The following MAD1L1 variants were observed in gnomAD, a reference collection of about 807,000 sequenced individuals.
MAD1L1 encodes the protein mitotic spindle assembly checkpoint protein MAD1.
MAD1L1 carries 95 observed loss-of-function variants against 96.9 expected under a neutral mutation model. The observed-to-expected ratio is 0.98, with a 90% CI of 0.83 to 1.16. MAD1L1 has a LOEUF of 1.16. Among genes scored for constraint, MAD1L1 ranks in the 50% most tolerant of loss-of-function variants. MAD1L1 has a pLI of 0.00. For missense variants in MAD1L1, 1,007 were observed against 954.4 expected, an observed-to-expected ratio of 1.06 and a Z score of -0.73; for synonymous variants, 473 against 396.6, an observed-to-expected ratio of 1.19 and a Z score of -2.29.
intron 11 of MAD1L1, among the ~76,000 whole-genome samples, chr7:2,097,580 C>G (rs929858240): frequency 6.6e-6 from 1 of 152,182 alleles, no homozygotes; most frequent in Non-Finnish European, 1.5e-5. Context: ...CTTCTCACAC[C>G]TAGAGAAGCT....
intron 11 of MAD1L1, among the ~76,000 whole-genome samples, chr7:2,116,775 G>C (rs542546065): frequency 9.2e-5 from 14 of 152,358 alleles, no homozygotes; most frequent in African/African-American, 3.1e-4. Context: ...CAGAGTTAGT[G>C]AGAGGGCCTT....
At chr7:2,169,284 G>T (rs1790591113) in intron 10 of MAD1L1, among the ~76,000 whole-genome samples, 1 of 152,192 alleles carries the variant, frequency 6.6e-6, no homozygotes, top group Non-Finnish European at 1.5e-5. Context: ...GGGTAGGGAT[G>T]CGACTGGTGG....
At chr7:2,095,453 G>A (rs1329793296) in intron 11 of MAD1L1, among the ~76,000 whole-genome samples, 1 of 152,244 alleles carries the variant, frequency 6.6e-6, no homozygotes, top group Non-Finnish European at 1.5e-5. Context: ...TCAAATAGCA[G>A]AAGAGATGCA....
At chr7:1,902,487 ATCC>A (rs1179392279) in intron 17 of MAD1L1, among the ~76,000 whole-genome samples, 1 of 152,220 alleles carries the variant, frequency 6.6e-6, no homozygotes, top group Admixed American at 6.5e-5. Context: ...TTTTCTCTAC[ATCC>A]TCTTTACTCC....
rs1009484999 is a variant in MAD1L1 at position 1,957,811 on chromosome 7, G to A, written c.1506-92C>T. Reference sequence around the variant, plus strand: ...GGGTGATAAGGAGGTGAAAGGTTAGGAGACCCAGCTATACAGCTTTATTTC... The same window carrying A: ...GGGTGATAAGGAGGTGAAAGGTTAGAAGACCCAGCTATACAGCTTTATTTC... On this transcript the variant is annotated intron_variant, in intron 15 of 18. Coordinates refer to ENST00000265854, the MANE Select transcript of MAD1L1 (RefSeq NM_001013836.2). 3.2e-5 allele frequency: 34 copies of A among 1,068,366 alleles called. No homozygotes were observed. The African/African-American group carries it at 5.2e-4, about 16-fold the overall frequency. The allele number at this position is 1,068,366 out of a possible 1,614,324, so 66.2% of individuals were successfully genotyped here.
At chr7:1,907,992 G>C (rs564645935) in intron 17 of MAD1L1, among the ~76,000 whole-genome samples, 1 of 152,236 alleles carries the variant, frequency 6.6e-6, no homozygotes, top group Non-Finnish European at 1.5e-5. Flanking sequence ...CCAGAGCTCA[G>C]GAGTCCGGCC....
chr7:2,190,419 T>C (rs377088725), intron 10 of MAD1L1, among the ~76,000 whole-genome samples: 3 of 152,192 alleles, frequency 2.0e-5, no homozygotes, highest in African/African-American at 7.2e-5. Flanking sequence ...AAGCTTGGGT[T>C]AGGCAGATAC....
chr7:1,824,787 T>C (rs1782304727), intron 18 of MAD1L1, among the ~76,000 whole-genome samples: 1 of 151,982 alleles, frequency 6.6e-6, no homozygotes, highest in African/African-American at 2.4e-5. Flanking sequence ...GAAATCAAAG[T>C]GTTTTCAACT....
intron 13 of MAD1L1, among the ~76,000 whole-genome samples, chr7:2,005,086 C>A (rs541714748): frequency 9.2e-5 from 14 of 152,154 alleles, no homozygotes; most frequent in Admixed American, 2.6e-4. Context: ...GACGACCGCA[C>A]GTCAGCAGGA....
intron 10 of MAD1L1, among the ~76,000 whole-genome samples, chr7:2,208,837 G>A (rs1612548): frequency 0.3 from 45,722 of 151,742 alleles, 8,308 homozygotes; most frequent in African/African-American, 0.51. Context: ...GCTGGCCTCC[G>A]CTTTCCTCAC....
At chr7:1,944,276 C>T (rs984181929) in intron 16 of MAD1L1, among the ~76,000 whole-genome samples, 2 of 152,174 alleles carry the variant, frequency 1.3e-5, no homozygotes, top group Non-Finnish European at 2.9e-5. Context: ...GGGATCAAAA[C>T]GTTCTGCGAA....
chr7:1,950,815 G>A (rs372554634), intron 16 of MAD1L1, among the ~76,000 whole-genome samples: 25 of 152,350 alleles, frequency 1.6e-4, no homozygotes, highest in African/African-American at 6.0e-4. Context: ...AGAGCCCAGT[G>A]AGCACCGCGG....
chr7:2,040,470 T>C (rs957913463), intron 12 of MAD1L1, among the ~76,000 whole-genome samples: 1 of 152,242 alleles, frequency 6.6e-6, no homozygotes, highest in Non-Finnish European at 1.5e-5. Flanking sequence ...CTGTTCAGAA[T>C]GGGCAGATGG....
At chr7:2,039,211 T>G (rs1783572737) in intron 12 of MAD1L1, among the ~76,000 whole-genome samples, 1 of 152,228 alleles carries the variant, frequency 6.6e-6, no homozygotes, top group African/African-American at 2.4e-5. Flanking sequence ...AATTCCTTCT[T>G]AGTCCTGAGT....
intron 16 of MAD1L1, among the ~76,000 whole-genome samples, chr7:1,948,647 C>A (rs555166227): frequency 6.6e-6 from 1 of 152,216 alleles, no homozygotes; most frequent in South Asian, 2.1e-4. Context: ...TCCCATGACA[C>A]CCCTGATAAC....
intron 11 of MAD1L1, among the ~76,000 whole-genome samples, chr7:2,086,144 A>G (rs1013237616): frequency 6.6e-6 from 1 of 152,114 alleles, no homozygotes; most frequent in Non-Finnish European, 1.5e-5. Context: ...TCCTAAAGAC[A>G]AGCAACTGAG....
chr7:2,022,898 G>C (rs971741942), intron 12 of MAD1L1, among the ~76,000 whole-genome samples: 11 of 152,170 alleles, frequency 7.2e-5, no homozygotes, highest in African/African-American at 2.7e-4. Flanking sequence ...CGGTGGAGCA[G>C]CTTGATCAAT....
At chr7:1,967,895 C>A (rs1431701213) in intron 15 of MAD1L1, among the ~76,000 whole-genome samples, 1 of 148,426 alleles carries the variant, frequency 6.7e-6, no homozygotes, top group Non-Finnish European at 1.5e-5. Flanking sequence ...GATCAGAACA[C>A]AGAGCACGCG....
chr7:2,207,077 CAAA>C (rs201353849), intron 10 of MAD1L1, among the ~76,000 whole-genome samples: 7 of 56,064 alleles, frequency 1.2e-4, no homozygotes, highest in African/African-American at 1.4e-4. Context: ...GATTCCGTCT[CAAA>C]AAAAAAAAAA....
Sources: gnomAD v4.1 joint callset for allele counts (sites outside exome capture counted in the v4.1 genomes callset) on GRCh38, gnomAD v4.1.1 for gene constraint, MANE v1.5 for transcripts, NCBI Gene and HGNC (gene_info 2026-07-23, HGNC 2026-07-21) for gene names.